SPG21: variants seen among roughly 807,000 people sequenced by gnomAD.
SPG21 encodes the protein maspardin.
In SPG21, 26 loss-of-function variants were observed where a neutral mutation model predicts 38.9. That is an observed-to-expected ratio of 0.67 (90% CI 0.49 to 0.93). The LOEUF (loss-of-function observed/expected upper bound fraction) is 0.93. Ranked by LOEUF, SPG21 falls within the 40% of genes least tolerant of loss-of-function variation. The pLI is 0.00. For missense variants in SPG21, 333 were observed against 376.5 expected, an observed-to-expected ratio of 0.88 and a Z score of 0.96; for synonymous variants, 136 against 128.9, an observed-to-expected ratio of 1.05 and a Z score of -0.37.
intron 7 of SPG21, among the ~76,000 whole-genome samples, 200 bp downstream of exon 7, chr15:64,969,055 A>G (rs534484343): frequency 2.0e-5 from 3 of 152,260 alleles, no homozygotes; most frequent in East Asian, 1.9e-4. Context: ...TTTGATTTCA[A>G]TGGTGTTATT....
intron 2 of SPG21, among the ~76,000 whole-genome samples, chr15:64,982,105 C>G (rs1384477399): frequency 1.3e-5 from 2 of 150,150 alleles, no homozygotes; most frequent in African/African-American, 4.9e-5. Context: ...TGTTTTTGTC[C>G]TGTGTATCTT....
chr15:64,971,925 G>C (rs530550815), intron 5 of SPG21, among the ~76,000 whole-genome samples: 10 of 152,294 alleles, frequency 6.6e-5, no homozygotes, highest in Admixed American at 2.0e-4. Flanking sequence ...TCTTACCTCT[G>C]CCTCCCAAAG....
chr15:64,969,861 T>C (rs1220504612), intron 6 of SPG21, among the ~76,000 whole-genome samples: 1 of 152,174 alleles, frequency 6.6e-6, no homozygotes, highest in African/African-American at 2.4e-5. Context: ...GCCCAGGGAT[T>C]CCAGATGGAT....
intron 7 of SPG21, 123 bp from the exon 8 acceptor site, chr15:64,965,583 A>AT (rs2085525344): frequency 7.0e-7 from 1 of 1,423,966 alleles, no homozygotes; most frequent in Non-Finnish European, 9.7e-7. Context: ...TACCCTAAGT[A>AT]TTCCTTTCAT....
rs190097594 is a variant in SPG21 at position 64,967,903 on chromosome 15, T to C, written c.669+1352A>G. ...ATTGCAGGAATGAGCCACTGTGCCC[T>C]GCCCAAACATATACTTTTACACCAA... On this transcript the variant is annotated intron_variant, in intron 7 of 8. Transcript: ENST00000204566. Among the ~76,000 whole-genome samples, 5 of 152,296 alleles carry C rather than the reference T, an allele frequency of 3.3e-5. No individual in the cohort carries two copies. The East Asian group carries it at 9.6e-4, about 29-fold the overall frequency.
Position 64,983,937 on chromosome 15 carries a change from C to G in SPG21, c.-24-344G>C, listed in dbSNP as rs138903638. 4.2e-3 allele frequency among the ~76,000 whole-genome samples: 636 copies of G among 152,200 alleles called. 1 individual carries two copies. Among genetic ancestry groups the G allele is most frequent in the South Asian group, 0.017 (82 of 4,818 alleles). On this transcript the variant is annotated intron_variant, in intron 1 of 8. Transcript: ENST00000204566. ...TATCTGGGATTACAGGTGCCCGCCA[C>G]CACGCCCAACTAATTTTTGTATTTT...
rs796395223 is a variant in SPG21, at chr15:64,980,720, AGAGT to A, written c.225+140_225+143del. 6.9e-6 allele frequency: 7 copies of A among 1,007,734 alleles called. No individual in the cohort carries two copies. The African/African-American group carries it at 1.0e-4, about 15-fold the overall frequency. 62.4% of individuals were successfully genotyped at this position (1,007,734 alleles called of 1,614,324 possible). On this transcript the variant is annotated intron_variant, in intron 3 of 8. Coordinates refer to ENST00000204566, the MANE Select transcript of SPG21 (RefSeq NM_016630.7). ...GCCACTGCACTCCAGCCCGGGCGAC[AGAGT>A]GAGAATCCATCTCAACAAACAAACA...
chr15:64,969,661 C>T (rs971621464), intron 6 of SPG21, among the ~76,000 whole-genome samples: 2 of 151,112 alleles, frequency 1.3e-5, no homozygotes, highest in Admixed American at 1.3e-4. Flanking sequence ...ATTCCTACTG[C>T]TCAAAGGTGA....
At chr15:64,982,142 C>CTTTTTTTTTTTTTTTTT (rs56118434) in intron 2 of SPG21, among the ~76,000 whole-genome samples, 2 of 114,622 alleles carry the variant, frequency 1.7e-5, no homozygotes, top group Admixed American at 2.1e-4. Flanking sequence ...CTTTTCTTTT[C>CTTTTTTTTTTTTTTTTT]TTTTTTTTTT....
chr15:64,977,046 A>G (rs1280917791), intron 3 of SPG21, among the ~76,000 whole-genome samples: 1 of 152,046 alleles, frequency 6.6e-6, no homozygotes, highest in Non-Finnish European at 1.5e-5. Flanking sequence ...TAGTTACTCT[A>G]TTTCATTTAT....
chr15:64,981,188 C>G, intron 2 of SPG21, 163 bp from the exon 3 acceptor site: 1 of 743,616 alleles, frequency 1.3e-6, no homozygotes. Context: ...CTCCTCTGAT[C>G]TCCTTTTCTT....
intron 5 of SPG21, among the ~76,000 whole-genome samples, chr15:64,971,577 T>G (rs1050002832): frequency 2.7e-5 from 4 of 147,414 alleles, no homozygotes; most frequent in Admixed American, 6.7e-5. Context: ...CAATGGCTCA[T>G]GCCTGTAATC....
In SPG21 at chr15:64,969,112, A is replaced by AAT. The variant is rs1330283497; in HGVS notation, c.669+141_669+142dup. 1.1e-4 allele frequency: 73 copies of AAT among 652,312 alleles called. No homozygotes were observed. The Admixed American group carries it at 1.9e-3, about 17-fold the overall frequency. The allele number at this position is 652,312 out of a possible 1,614,324, so 40.4% of individuals were successfully genotyped here. On this transcript the variant is annotated intron_variant, in intron 7 of 8. Transcript: ENST00000204566. ...ATAAGCAATAAACAGATTATTTTGG[A>AAT]ATTGAGAAAGCTGGAGGGTAAAAAC...
intron 3 of SPG21, among the ~76,000 whole-genome samples, chr15:64,977,768 G>T (rs1383454660): frequency 3.9e-5 from 6 of 152,104 alleles, no homozygotes; most frequent in Non-Finnish European, 7.4e-5. Context: ...TGAGGAAAAA[G>T]AAGTACAAGT....
chr15:64,982,146 T>TC (rs1433631283), intron 2 of SPG21, among the ~76,000 whole-genome samples: 100 of 142,488 alleles, frequency 7.0e-4, no homozygotes, highest in South Asian at 1.8e-3. Context: ...TCTTTTCTTT[T>TC]TTTTTTTTTT....
In SPG21 at chr15:64,963,783, T is replaced by A. The variant is rs1344965330; in HGVS notation, c.811-47A>T. On this transcript the variant is annotated intron_variant, in intron 8 of 8. Coordinates refer to ENST00000204566, the MANE Select transcript of SPG21 (RefSeq NM_016630.7). ...ATTTTATTTATTTTTTGAGCTGGAG[T>A]GTCACTCTTGTTGCCCAGGCTGGAG... is the stretch of plus-strand genomic sequence containing the variant. 5 of 1,556,002 alleles carry A rather than the reference T, an allele frequency of 3.2e-6. No homozygotes were observed. The East Asian group carries it at 1.1e-4, about 35-fold the overall frequency.
intron 5 of SPG21, 88 bp from the exon 6 acceptor site, chr15:64,970,310 G>C (rs2085636648): frequency 2.6e-6 from 3 of 1,171,096 alleles, no homozygotes; most frequent in Non-Finnish European, 3.8e-6. Context: ...TATTAGCTTG[G>C]GATCTAGAAA....
At chr15:64,988,914 A>G (rs1374057797) in intron 1 of SPG21, 1 of 151,136 alleles carries the variant, frequency 6.6e-6, no homozygotes, top group Non-Finnish European at 1.5e-5. Flanking sequence ...CCCAGCAGAC[A>G]GAGCTTGCAG....
chr15:64,981,129 T>C (rs1356983167), intron 2 of SPG21, 104 bp from the exon 3 acceptor site: 2 of 1,392,678 alleles, frequency 1.4e-6, no homozygotes, highest in East Asian at 2.4e-5. Context: ...ACTGCCTTGT[T>C]TGTTACAAGG....
Sources: gnomAD v4.1 joint callset for allele counts (sites outside exome capture counted in the v4.1 genomes callset) on GRCh38, gnomAD v4.1.1 for gene constraint, MANE v1.5 for transcripts, NCBI Gene and HGNC (gene_info 2026-07-23, HGNC 2026-07-21) for gene names.